CYP3A7: variants seen among roughly 807,000 people sequenced by gnomAD.
The protein encoded by CYP3A7 is cytochrome P450 3A7.
In CYP3A7, 45 loss-of-function variants were observed where a neutral mutation model predicts 55.2. That is an observed-to-expected ratio of 0.82 (90% CI 0.64 to 1.05). The LOEUF (loss-of-function observed/expected upper bound fraction) is 1.05. Among genes scored for constraint, CYP3A7 ranks in the 50% least tolerant of loss-of-function variants. The pLI is 0.00. For synonymous variants in CYP3A7, 180 were observed against 207.4 expected, an observed-to-expected ratio of 0.87 and a Z score of 1.13; for missense variants, 548 against 605.3, an observed-to-expected ratio of 0.91 and a Z score of 0.99.
chr7:99,708,868 CTG>C (rs1160472940), intron 11 of CYP3A7, among the ~76,000 whole-genome samples, 165 bp downstream of exon 11: 2 of 152,078 alleles, frequency 1.3e-5, no homozygotes, highest in African/African-American at 2.4e-5. Context: ...TTTATCTAGT[CTG>C]TGGTTTGTAA....
At chr7:99,731,224 C>T in intron 1 of CYP3A7, 72 bp from the exon 2 acceptor site, 1 of 1,560,610 alleles carries the variant, frequency 6.4e-7, no homozygotes, top group South Asian at 1.1e-5. Context: ...GAGTCACTGA[C>T]TGAGGAACTG....
At chr7:99,727,131 G>A (rs961325393) in intron 2 of CYP3A7, among the ~76,000 whole-genome samples, 1 of 152,108 alleles carries the variant, frequency 6.6e-6, no homozygotes, top group African/African-American at 2.4e-5. Flanking sequence ...TCCCATACTA[G>A]CTCTTCCTGA....
chr7:99,714,152 A>C (rs1813850898), intron 8 of CYP3A7, among the ~76,000 whole-genome samples: 1 of 152,208 alleles, frequency 6.6e-6, no homozygotes, highest in South Asian at 2.1e-4. Flanking sequence ...GAGAATGTGT[A>C]AAATAATAGC....
At chr7:99,720,515 T>C (rs1814158940) in intron 3 of CYP3A7, 103 bp from the exon 4 acceptor site, 1 of 1,255,206 alleles carries the variant, frequency 8.0e-7, no homozygotes, top group African/African-American at 1.5e-5. Flanking sequence ...CATAATCCTC[T>C]AGATGTACAA....
At chr7:99,734,431 G>T (rs1260699104) in intron 1 of CYP3A7, among the ~76,000 whole-genome samples, 1 of 151,968 alleles carries the variant, frequency 6.6e-6, no homozygotes, top group East Asian at 1.9e-4. Context: ...GGTAAGCTGG[G>T]TACAAACCAT....
At chr7:99,710,123 G>C (rs1241977022) in intron 10 of CYP3A7, among the ~76,000 whole-genome samples, 1 of 152,152 alleles carries the variant, frequency 6.6e-6, no homozygotes, top group East Asian at 1.9e-4. Context: ...CAGCCCAAAA[G>C]CCATGTCTCT....
At chr7:99,708,321 C>A (rs891619870) in intron 11 of CYP3A7, among the ~76,000 whole-genome samples, 3 of 152,140 alleles carry the variant, frequency 2.0e-5, no homozygotes, top group Non-Finnish European at 2.9e-5. Flanking sequence ...AAGTAGATTC[C>A]TGCCTCAAGT....
chr7:99,717,356 A>T (rs543272616), intron 5 of CYP3A7, 91 bp from the exon 6 acceptor site: 2 of 1,605,798 alleles, frequency 1.2e-6, no homozygotes, highest in East Asian at 4.5e-5. Flanking sequence ...ACAATAAGTG[A>T]CATTGTATAA....
chr7:99,722,400 C>T (rs779422700), intron 2 of CYP3A7, 52 bp from the exon 3 acceptor site: 3 of 1,598,934 alleles, frequency 1.9e-6, no homozygotes, highest in Non-Finnish European at 2.6e-6. Flanking sequence ...TGTACTTAAC[C>T]CTGCCTCTAA....
At chr7:99,730,706 CT>C (rs1272864585) in intron 2 of CYP3A7, 5 of 253,388 alleles carry the variant, frequency 2.0e-5, no homozygotes, top group African/African-American at 8.9e-5. Context: ...TCAGGGGCTC[CT>C]GTTCCTACTT....
chr7:99,715,561 G>T, intron 7 of CYP3A7, 197 bp downstream of exon 7: 1 of 941,938 alleles, frequency 1.1e-6, no homozygotes, highest in Non-Finnish European at 1.5e-6. Flanking sequence ...GGGGTTGATA[G>T]CTAAACATGT....
chr7:99,734,329 C>G (rs976924067), intron 1 of CYP3A7, among the ~76,000 whole-genome samples: 13 of 152,204 alleles, frequency 8.5e-5, no homozygotes, highest in Admixed American at 2.6e-4. Context: ...TTCTCTCCAC[C>G]TGCTCTAGGA....
intron 2 of CYP3A7, among the ~76,000 whole-genome samples, chr7:99,722,563 T>C (rs1484527785): frequency 6.6e-6 from 1 of 152,176 alleles, no homozygotes; most frequent in Non-Finnish European, 1.5e-5. Context: ...TTAAGTGTTG[T>C]CGATACTGAA....
chr7:99,710,756 T>C lies in CYP3A7; in HGVS notation c.1002A>G (p.Glu334=). 5.0e-6 allele frequency: 8 copies of C among 1,613,948 alleles called. No individual in the cohort carries two copies. Among genetic ancestry groups the C allele is most frequent in the Non-Finnish European group, 6.8e-6 (8 of 1,179,880 alleles). The part of the protein sequence containing the change: ...HPDVQQKVQK[E]IDTVLPNKAP... ...CCTTATTGGGTAAAACTGTATCAAT[T>C]TCCTTCTGCACTTTCTGCTGGACAT... The change falls in exon 10 of 13, where the codon GAA becomes GAG. Residue 334 remains glutamate, a synonymous_variant. Transcript: ENST00000336374.
At chr7:99,713,685 G>T (rs1044632666) in intron 8 of CYP3A7, 150 bp from the exon 9 acceptor site, 102 of 1,047,714 alleles carry the variant, frequency 9.7e-5, no homozygotes, top group Admixed American at 4.2e-4. Context: ...CAGTGAAAAG[G>T]AATATCCATC....
At chr7:99,730,967 A>G in intron 2 of CYP3A7, 92 bp downstream of exon 2, 1 of 1,510,330 alleles carries the variant, frequency 6.6e-7, no homozygotes, top group Non-Finnish European at 9.1e-7. Context: ...AAAATCTCAG[A>G]CCTTCCTCTT....
intron 8 of CYP3A7, 115 bp downstream of exon 8, chr7:99,714,440 C>T (rs1223395774): frequency 2.0e-6 from 3 of 1,483,072 alleles, no homozygotes; most frequent in Admixed American, 2.1e-5. Context: ...AACATAAGTA[C>T]TCTTTATGTT....
chr7:99,716,883 A>C (rs567608881), intron 6 of CYP3A7, among the ~76,000 whole-genome samples: 19 of 152,302 alleles, frequency 1.2e-4, no homozygotes, highest in East Asian at 9.6e-4. Flanking sequence ...ACTTTGATAC[A>C]ATCACACTTT....
In CYP3A7 at chr7:99,710,802, T is replaced by C. The variant is rs1420012986; in HGVS notation, c.956A>G (p.Tyr319Cys). ...TTSSVLSFII[Y>C]ELATHPDVQQ... ...GACATCAGGGTGAGTGGCCAGTTCA[T>C]ATATAATGAAGGAGAGAACACTGCT... Residue 319 changes from tyrosine (Y) to cysteine (C), a missense_variant, in exon 10 of 13, where the codon TAT becomes TGT. Physicochemically the swap from Tyr to Cys is radical, Grantham distance 194. Coordinates refer to ENST00000336374, the MANE Select transcript of CYP3A7 (RefSeq NM_000765.5). 5.6e-6 allele frequency: 9 copies of C among 1,613,782 alleles called. No homozygotes were observed. Among genetic ancestry groups the C allele is most frequent in the Non-Finnish European group, 6.8e-6 (8 of 1,179,896 alleles).
Sources: gnomAD v4.1 joint callset for allele counts (sites outside exome capture counted in the v4.1 genomes callset) on GRCh38, gnomAD v4.1.1 for gene constraint, MANE v1.5 for transcripts, NCBI Gene and HGNC (gene_info 2026-07-23, HGNC 2026-07-21) for gene names.